Variants in MTUS2 observed in about 807,000 individuals in gnomAD.
MTUS2 encodes the protein microtubule associated scaffold protein 2.
In MTUS2, 40 loss-of-function variants were observed where a neutral mutation model predicts 114.1. The observed-to-expected ratio is 0.35, with a 90% CI of 0.27 to 0.46. The LOEUF (loss-of-function observed/expected upper bound fraction) is 0.46. Ranked by LOEUF, MTUS2 falls within the 20% of genes least tolerant of loss-of-function variation. The pLI, the probability that MTUS2 is intolerant of heterozygous loss-of-function variation, is 1.00. For missense variants in MTUS2, 1,679 were observed against 1,705.4 expected, an observed-to-expected ratio of 0.98 and a Z score of 0.27; for synonymous variants, 688 against 672.0, an observed-to-expected ratio of 1.02 and a Z score of -0.37.
At chr13:29,361,601 G>T (rs932364667) in intron 8 of MTUS2, among the ~76,000 whole-genome samples, 1 of 152,162 alleles carries the variant, frequency 6.6e-6, no homozygotes. Context: ...GTGACATGGG[G>T]TGGAGAACCT....
chr13:29,232,508 C>T (rs1896374265), intron 5 of MTUS2, among the ~76,000 whole-genome samples: 2 of 152,094 alleles, frequency 1.3e-5, no homozygotes, highest in African/African-American at 2.4e-5. Flanking sequence ...CTCCCGACTC[C>T]GAGTTCAGGA....
At chr13:29,150,732 G>A (rs77720065) in intron 5 of MTUS2, among the ~76,000 whole-genome samples, 2,447 of 152,210 alleles carry the variant, frequency 0.016, 65 homozygotes, top group African/African-American at 0.056. Context: ...ATATGTAGTG[G>A]TCCAATTTCA....
intron 5 of MTUS2, among the ~76,000 whole-genome samples, chr13:29,276,842 G>A (rs1426514929): frequency 6.6e-6 from 1 of 152,148 alleles, no homozygotes; most frequent in Non-Finnish European, 1.5e-5. Flanking sequence ...AGGTTGCAGT[G>A]AGTCGAGACC....
Position 29,492,690 on chromosome 13 carries a change from A to C in MTUS2, c.3550A>C (p.Asn1184His), listed in dbSNP as rs766436287. Residue 1184 changes from asparagine to histidine, a missense_variant, in exon 12 of 16, where the codon AAT (asparagine) becomes CAT (histidine). This residue lies in a region of MTUS2 where 822 missense variants were observed against 899.7 expected (regional missense o/e 0.91). Transcript: ENST00000612955. ...GCTTGAAAAGAAAGAATTGGAAGAA[A>C]ATTTTGAAAAACTGCGGCTGTCATT... ...HELEKKELEENFEKLRLSLQD... is the reference protein window; with the variant it reads ...HELEKKELEEHFEKLRLSLQD... 1 of 1,613,600 alleles carries C rather than the reference A, an allele frequency of 6.2e-7. No individual in the cohort carries two copies. The highest frequency in any genetic ancestry group is 8.5e-7 in the Non-Finnish European group (1 of 1,179,744).
chr13:28,936,559 AC>A (rs1360007924), intron 2 of MTUS2, among the ~76,000 whole-genome samples: 1 of 152,078 alleles, frequency 6.6e-6, no homozygotes, highest in Non-Finnish European at 1.5e-5. Context: ...TGGGGGAAGA[AC>A]ATGGAGTGCC....
At chr13:29,382,962 C>T (rs1046100519) in intron 8 of MTUS2, among the ~76,000 whole-genome samples, 3 of 152,116 alleles carry the variant, frequency 2.0e-5, no homozygotes, top group South Asian at 2.1e-4. Context: ...TACAGCAACA[C>T]GAGCAAGAGA....
At chr13:29,044,444 T>G (rs1237696168) in intron 4 of MTUS2, among the ~76,000 whole-genome samples, 1 of 152,196 alleles carries the variant, frequency 6.6e-6, no homozygotes, top group African/African-American at 2.4e-5. Context: ...GCTTGAAGTT[T>G]GTTGAGATTT....
chr13:29,490,985 A>ATGTGTG lies in MTUS2; in HGVS notation c.3506-1644_3506-1639dup, dbSNP rs71090259. 6.5e-3 allele frequency among the ~76,000 whole-genome samples: 959 copies of ATGTGTG among 148,346 alleles called. 5 individuals are homozygous for ATGTGTG. The highest frequency in any genetic ancestry group is 0.019 in the East Asian group (96 of 5,072). Reference sequence around the variant, plus strand: ...GGTATAGCTGAATGTAGAAGTGTGGATGTGTGTGTGTGTGTGTGTGTGGTG... The same window carrying ATGTGTG: ...GGTATAGCTGAATGTAGAAGTGTGGATGTGTGTGTGTGTGTGTGTGTGTGTGTGGTG... On this transcript the variant is annotated intron_variant, in intron 11 of 15. Coordinates refer to ENST00000612955, the MANE Select transcript of MTUS2 (RefSeq NM_001033602.4).
intron 2 of MTUS2, among the ~76,000 whole-genome samples, chr13:28,885,542 G>T (rs766925935): frequency 2.6e-5 from 4 of 152,186 alleles, no homozygotes; most frequent in Non-Finnish European, 5.9e-5. Flanking sequence ...ACTTATTTTG[G>T]AGAGGCATCA....
chr13:29,476,262 A>G (rs889318904), intron 9 of MTUS2, among the ~76,000 whole-genome samples: 4 of 152,172 alleles, frequency 2.6e-5, no homozygotes, highest in African/African-American at 7.2e-5. Context: ...CTAATAAAGC[A>G]TTTGTCAGAA....
At chr13:29,494,482 T>G (rs1882396686) in intron 12 of MTUS2, among the ~76,000 whole-genome samples, 1 of 152,132 alleles carries the variant, frequency 6.6e-6, no homozygotes, top group Non-Finnish European at 1.5e-5. Context: ...TGCTGTTGTT[T>G]TGTTTTTTTA....
intron 2 of MTUS2, among the ~76,000 whole-genome samples, chr13:28,942,733 TC>T (rs1882314239): frequency 6.6e-6 from 1 of 152,190 alleles, no homozygotes; most frequent in African/African-American, 2.4e-5. Context: ...TCAGTTTTTA[TC>T]AAGGTCAGAA....
intron 5 of MTUS2, among the ~76,000 whole-genome samples, chr13:29,220,965 A>G (rs1895884280): frequency 6.6e-6 from 1 of 152,242 alleles, no homozygotes; most frequent in Non-Finnish European, 1.5e-5. Context: ...TATATCAATT[A>G]TCCTATTGAT....
In MTUS2 at chr13:29,397,358, A is replaced by G. The variant is rs552621089; in HGVS notation, c.3117+37885A>G. On this transcript the variant is annotated intron_variant, in intron 8 of 15. Transcript: ENST00000612955. ...CTCTTCAATGCTTCAATGTGTACAG[A>G]CCTACTTCCAGTTTCTTGGCGCCTC... Among the ~76,000 whole-genome samples the G allele has an allele frequency of 5.9e-5, 9 of 152,206 alleles. No individual in the cohort carries two copies. In the South Asian group the frequency reaches 1.0e-3, roughly 18 times the overall value.
chr13:29,489,434 C>T (rs995853360), intron 11 of MTUS2, among the ~76,000 whole-genome samples: 2 of 152,174 alleles, frequency 1.3e-5, no homozygotes, highest in East Asian at 1.9e-4. Flanking sequence ...AAGCACCACC[C>T]CCACTACCTC....
chr13:29,037,029 T>C (rs953971122), intron 4 of MTUS2, among the ~76,000 whole-genome samples: 13 of 152,210 alleles, frequency 8.5e-5, no homozygotes, highest in Non-Finnish European at 1.5e-4. Flanking sequence ...AATATTGTTA[T>C]GTGTGAATTT....
chr13:28,981,116 C>G (rs763418958), intron 2 of MTUS2, among the ~76,000 whole-genome samples: 1 of 152,156 alleles, frequency 6.6e-6, no homozygotes, highest in African/African-American at 2.4e-5. Flanking sequence ...GATTGCACAA[C>G]AGTATGAATG....
intron 2 of MTUS2, among the ~76,000 whole-genome samples, chr13:28,965,061 CAT>C (rs995299830): frequency 1.2e-4 from 19 of 152,228 alleles, no homozygotes; most frequent in African/African-American, 4.1e-4. Flanking sequence ...ATTTTGGTAA[CAT>C]AGTGGAGAGA....
chr13:28,863,799 G>A (rs1381730200), intron 2 of MTUS2, among the ~76,000 whole-genome samples: 1 of 152,156 alleles, frequency 6.6e-6, no homozygotes, highest in Non-Finnish European at 1.5e-5. Context: ...CTGAGCCCAA[G>A]TGATCTTCCT....
Sources: allele counts gnomAD v4.1 joint callset (sites outside exome capture counted in the v4.1 genomes callset), GRCh38; gene constraint gnomAD v4.1.1; regional missense constraint gnomAD v4.1.1; transcripts MANE v1.5; gene names NCBI Gene and HGNC (gene_info 2026-07-23, HGNC 2026-07-21).